Variants in MARCHF1 observed in about 807,000 individuals in gnomAD.
MARCHF1 encodes the protein E3 ubiquitin-protein ligase MARCHF1.
MARCHF1 carries 40 observed loss-of-function variants against 54.2 expected under a neutral mutation model. The observed-to-expected ratio is 0.74, with a 90% CI of 0.57 to 0.96. The LOEUF is 0.96. Among genes scored for constraint, MARCHF1 ranks in the 40% least tolerant of loss-of-function variants. The pLI is 0.00. For missense variants in MARCHF1, 586 were observed against 656.5 expected (o/e 0.89, Z 1.17); for synonymous variants, 236 against 236.3 (o/e 1.00, Z 0.01).
intron 8 of MARCHF1, among the ~76,000 whole-genome samples, chr4:163,582,353 GATTTTATATTCACTTTA>G (rs1472619015): frequency 6.6e-6 from 1 of 152,084 alleles, no homozygotes; most frequent in Non-Finnish European, 1.5e-5. Context: ...ATAAGCGCTT[GATTTTATATTCACTTTA>G]AAGATTGTCT....
chr4:164,189,951 A>C (rs181570872), intron 1 of MARCHF1: 57 of 1,549,132 alleles, frequency 3.7e-5, no homozygotes, highest in East Asian at 3.1e-4. Flanking sequence ...GATCACAATT[A>C]CCAATGACCA....
chr4:164,197,262 CT>C, intron 1 of MARCHF1: 1 of 1,611,162 alleles, frequency 6.2e-7, no homozygotes, highest in Non-Finnish European at 8.5e-7. Context: ...AGTAAGGGGC[CT>C]CCTTGTGGTC....
chr4:163,790,280 T>C lies in MARCHF1; in HGVS notation c.111+63741A>G, dbSNP rs760646471. Among the ~76,000 whole-genome samples the C allele has an allele frequency of 3.9e-5, 6 of 152,158 alleles. 1 individual carries two copies. The highest frequency in any genetic ancestry group is 7.4e-5 in the Non-Finnish European group (5 of 68,002). The stretch of plus-strand genomic sequence containing the variant: ...CCCAAAAAGTCACGTAAGCCTTTTT[T>C]GTTGTTATTTACGAAATCAAATGTC... On this transcript the variant is annotated intron_variant, in intron 4 of 9. Coordinates refer to ENST00000514618, the MANE Select transcript of MARCHF1 (RefSeq NM_001394959.1).
intron 3 of MARCHF1, among the ~76,000 whole-genome samples, chr4:163,921,605 C>T (rs535422177): frequency 1.7e-4 from 25 of 144,238 alleles, no homozygotes; most frequent in African/African-American, 5.8e-4. Flanking sequence ...AGGAATTCTT[C>T]GTTGGTTATA....
chr4:163,805,132 TATAAG>T (rs1748188566), intron 4 of MARCHF1, among the ~76,000 whole-genome samples: 1 of 152,166 alleles, frequency 6.6e-6, no homozygotes, highest in Non-Finnish European at 1.5e-5. Flanking sequence ...TTTGGAAAAC[TATAAG>T]CTTCTCCTTA....
intron 1 of MARCHF1, among the ~76,000 whole-genome samples, chr4:164,179,696 T>A (rs1477396321): frequency 2.6e-5 from 4 of 152,004 alleles, no homozygotes; most frequent in Admixed American, 2.6e-4. Flanking sequence ...ATAACAAATA[T>A]CCTTTTTATA....
At chr4:163,632,553 G>T (rs776990474) in intron 5 of MARCHF1, among the ~76,000 whole-genome samples, 3 of 152,214 alleles carry the variant, frequency 2.0e-5, no homozygotes, top group African/African-American at 7.2e-5. Flanking sequence ...TTAAAAAACG[G>T]CGCACCACAA....
intron 1 of MARCHF1, among the ~76,000 whole-genome samples, chr4:164,276,845 A>G (rs1246013952): frequency 6.9e-6 from 1 of 144,746 alleles, no homozygotes; most frequent in Non-Finnish European, 1.5e-5. Context: ...TGTAATTACA[A>G]TTACATGTCT....
At chr4:163,566,640 T>C (rs1278123547) in intron 8 of MARCHF1, among the ~76,000 whole-genome samples, 1 of 152,202 alleles carries the variant, frequency 6.6e-6, no homozygotes, top group African/African-American at 2.4e-5. Context: ...TCAGGTTTTA[T>C]GTCTGGTGGA....
chr4:164,128,788 G>C (rs1387711799), intron 1 of MARCHF1, among the ~76,000 whole-genome samples: 1 of 152,090 alleles, frequency 6.6e-6, no homozygotes, highest in Non-Finnish European at 1.5e-5. Context: ...GCTATAATCT[G>C]CTTCTCCCTG....
chr4:163,927,864 C>T (rs969736792), intron 3 of MARCHF1, among the ~76,000 whole-genome samples: 4 of 151,750 alleles, frequency 2.6e-5, no homozygotes, highest in African/African-American at 4.8e-5. Context: ...CTCACACAAG[C>T]GGAGCTTCAT....
intron 3 of MARCHF1, among the ~76,000 whole-genome samples, chr4:163,896,227 A>T (rs1020667785): frequency 6.6e-6 from 1 of 152,206 alleles, no homozygotes; most frequent in African/African-American, 2.4e-5. Context: ...TATAACAACA[A>T]TAATAGAGAT....
chr4:164,207,767 T>G (rs1403848737), intron 1 of MARCHF1, among the ~76,000 whole-genome samples: 2 of 152,044 alleles, frequency 1.3e-5, no homozygotes, highest in African/African-American at 4.8e-5. Context: ...AGCTAAATGA[T>G]GAGAACACAT....
At chr4:164,081,207 C>CAAAAAAAAAAAAAAA (rs60753810) in intron 2 of MARCHF1, among the ~76,000 whole-genome samples, 7 of 18,404 alleles carry the variant, frequency 3.8e-4, no homozygotes, top group East Asian at 1.9e-3. Context: ...GACGCTGTCT[C>CAAAAAAAAAAAAAAA]AAAAAAAAAA....
chr4:163,931,792 C>A (rs1373170814), intron 3 of MARCHF1, among the ~76,000 whole-genome samples: 1 of 152,160 alleles, frequency 6.6e-6, no homozygotes, highest in Non-Finnish European at 1.5e-5. Flanking sequence ...GACACACTTG[C>A]AAACTGAACT....
intron 1 of MARCHF1, among the ~76,000 whole-genome samples, chr4:164,340,844 C>A (rs1189614773): frequency 6.6e-6 from 1 of 150,660 alleles, no homozygotes; most frequent in African/African-American, 2.5e-5. Flanking sequence ...AGGTGTGAGC[C>A]ACTGTGCTGG....
chr4:163,525,684 T>C lies in MARCHF1; in HGVS notation c.*3064A>G, dbSNP rs1429271107. 6.6e-6 allele frequency: 1 copy of C among 152,176 alleles called. No individual in the cohort carries two copies. Among genetic ancestry groups the C allele is most frequent in the Admixed American group, 6.6e-5 (1 of 15,256 alleles). 9.4% of individuals were successfully genotyped at this position (152,176 alleles called of 1,614,324 possible). ...AGAGCCAAGGTTTTTAACACAACTG[T>C]AATTTCATTCTTCAATTTTAGTCCT... On this transcript the variant is annotated 3_prime_UTR_variant, in exon 10 of 10. Coordinates refer to ENST00000514618, the MANE Select transcript of MARCHF1 (RefSeq NM_001394959.1).
At chr4:164,280,234 T>C (rs1256683372) in intron 1 of MARCHF1, among the ~76,000 whole-genome samples, 3 of 152,010 alleles carry the variant, frequency 2.0e-5, no homozygotes, top group Non-Finnish European at 4.4e-5. Flanking sequence ...GTAATAAGTT[T>C]ACATAGATCT....
intron 2 of MARCHF1, among the ~76,000 whole-genome samples, chr4:164,068,250 T>C (rs1754771780): frequency 6.6e-6 from 1 of 152,108 alleles, no homozygotes; most frequent in Non-Finnish European, 1.5e-5. Flanking sequence ...CTCGCAGCCC[T>C]CGCTCACTCT....
Sources: gnomAD v4.1 joint callset for allele counts (sites outside exome capture counted in the v4.1 genomes callset) on GRCh38, gnomAD v4.1.1 for gene constraint, MANE v1.5 for transcripts, NCBI Gene and HGNC (gene_info 2026-07-23, HGNC 2026-07-21) for gene names.